GPR35: variants seen among roughly 807,000 people sequenced by gnomAD.
The protein encoded by GPR35 is KYNA receptor.
For synonymous variants in GPR35, 207 were observed against 198.4 expected, an observed-to-expected ratio of 1.04 and a Z score of -0.36; for missense variants, 372 against 422.5, an observed-to-expected ratio of 0.88 and a Z score of 1.05.
At chr2:240,625,235 C>T (rs773693113), upstream of GPR35, 6 of 983,822 alleles carry the variant, frequency 6.1e-6, no homozygotes, top group South Asian at 1.9e-4. Flanking sequence ...CTGTCTCTCA[C>T]GCTGTTTCCA....
At chr2:240,622,582 T>C (rs1420534143), upstream of GPR35, among the ~76,000 whole-genome samples, 1 of 152,240 alleles carries the variant, frequency 6.6e-6, no homozygotes, top group African/African-American at 2.4e-5. Context: ...GTTTACAAAT[T>C]TGTGTTGGGC....
At chr2:240,624,735 G>T (rs2043349121), upstream of GPR35, among the ~76,000 whole-genome samples, 1 of 152,240 alleles carries the variant, frequency 6.6e-6, no homozygotes, top group African/African-American at 2.4e-5. Flanking sequence ...GGAAGGGGGT[G>T]CTCTGCACCA....
chr2:240,614,319 T>A (rs1217124339), intron 2 of GPR35, among the ~76,000 whole-genome samples: 1 of 152,070 alleles, frequency 6.6e-6, no homozygotes, highest in Non-Finnish European at 1.5e-5. Context: ...CTAGCCTTAA[T>A]TCTAACCCTA....
intron 2 of GPR35, among the ~76,000 whole-genome samples, chr2:240,609,635 G>A (rs943527230): frequency 6.6e-6 from 1 of 152,182 alleles, no homozygotes; most frequent in Non-Finnish European, 1.5e-5. Context: ...TGGCCTAGCA[G>A]ATGGACTATT....
upstream of GPR35, among the ~76,000 whole-genome samples, chr2:240,623,346 GGCGCAAACAGGTC>G (rs2043323365): frequency 2.1e-5 from 3 of 142,236 alleles, no homozygotes; most frequent in African/African-American, 7.6e-5. Flanking sequence ...AGGTCGTGAG[GGCGCAAACAGGTC>G]GTGAGGGCGC....
In GPR35 at chr2:240,630,136, C is replaced by T. The variant is rs1276625257; in HGVS notation, c.184C>T (p.Leu62=). ...GGAGACCCGCATCTACATGACCAAC[C>T]TGGCGGTGGCCGACCTCTGCCTGCT... is the stretch of plus-strand genomic sequence containing the variant. ...WTETRIYMTN[L]AVADLCLLCT... The change falls in exon 2 of 2, where the codon CTG becomes TTG. Residue 62 remains leucine (L), a synonymous_variant. Coordinates refer to ENST00000407714, the MANE Select transcript of GPR35 (RefSeq NM_005301.5). The T allele has an allele frequency of 6.2e-7, 1 of 1,602,670 alleles. No homozygotes were observed. The highest frequency in any genetic ancestry group is 8.5e-7 in the Non-Finnish European group (1 of 1,178,122).
chr2:240,606,461 C>T (rs954863385), exon 2 of GPR35: 2 of 152,336 alleles, frequency 1.3e-5, no homozygotes, highest in Non-Finnish European at 2.9e-5. Context: ...TTTCCACCAT[C>T]TTGCTGCCCA....
At chr2:240,629,659 A>C in intron 1 of GPR35, 1 of 343,568 alleles carries the variant, frequency 2.9e-6, no homozygotes. Flanking sequence ...TGGGGACTGG[A>C]GGGGAACGTG....
At chr2:240,625,904 G>T (rs1045095755) in intron 1 of GPR35, among the ~76,000 whole-genome samples, 10 of 139,710 alleles carry the variant, frequency 7.2e-5, no homozygotes, top group Non-Finnish European at 1.3e-4. Flanking sequence ...TCAGAGTGGG[G>T]TGAGGCTCTG....
intron 2 of GPR35, among the ~76,000 whole-genome samples, chr2:240,613,660 T>G (rs940537731): frequency 6.8e-6 from 1 of 147,210 alleles, no homozygotes; most frequent in East Asian, 2.0e-4. Context: ...CTAACTCAAT[T>G]CAAACCTTAA....
exon 3 of GPR35, chr2:240,616,476 G>C: frequency 1.3e-6 from 1 of 780,670 alleles, no homozygotes. Flanking sequence ...ATCTCCTGTC[G>C]ACTGCGAGTC....
Position 240,618,795 on chromosome 2 carries a change from A to G in GPR35, c.-148-93A>G. The stretch of plus-strand genomic sequence containing the variant: ...ATCTAAAAACACATCAATTGTCTAT[A>G]TGTACATAAACATGCTTTTTTTCAT... On this transcript the variant is annotated intron_variant, in intron 4 of 5. Transcript: ENST00000319838. 1.3e-5 allele frequency: 7 copies of G among 533,866 alleles called. 1 individual carries two copies. In the South Asian group the frequency reaches 1.6e-4, roughly 12 times the overall value. 33.1% of individuals were successfully genotyped at this position (533,866 alleles called of 1,614,324 possible).
intron 5 of GPR35, among the ~76,000 whole-genome samples, chr2:240,620,140 C>A (rs1339191165): frequency 6.6e-6 from 1 of 152,264 alleles, no homozygotes; most frequent in African/African-American, 2.4e-5. Context: ...AGGCCCACCC[C>A]GAGGCCAGGT....
intron 1 of GPR35, among the ~76,000 whole-genome samples, chr2:240,606,097 C>T (rs1193935539): frequency 1.3e-5 from 2 of 152,180 alleles, no homozygotes; most frequent in Admixed American, 1.3e-4. Flanking sequence ...TCTCTAGTCC[C>T]CAGCAGGTAT....
chr2:240,615,303 C>T (rs373515863), intron 2 of GPR35, among the ~76,000 whole-genome samples: 39 of 152,268 alleles, frequency 2.6e-4, no homozygotes, highest in African/African-American at 8.7e-4. Flanking sequence ...CATGTAGACC[C>T]GTGAGTCCCT....
Position 240,632,504 on chromosome 2 carries a change from GTCCATGTCAAGGAGGT to G in GPR35, c.*1629_*1644del, listed in dbSNP as rs1434791507. Among the ~76,000 whole-genome samples, 1 of 148,094 alleles carries G rather than the reference GTCCATGTCAAGGAGGT, an allele frequency of 6.8e-6. No individual in the cohort carries two copies. The highest frequency in any genetic ancestry group is 6.7e-5 in the Admixed American group (1 of 14,976). ...GCCCAGGAAGGTCCAGCCCAGGAGGGTCCATGTCAAGGAGGTTCCATGCCCAGGAGGGTCCATGCTG... is the reference window on the plus strand; with the variant it reads ...GCCCAGGAAGGTCCAGCCCAGGAGGGTCCATGCCCAGGAGGGTCCATGCTG... On this transcript the variant is annotated 3_prime_UTR_variant, in exon 2 of 2. Coordinates refer to ENST00000407714, the MANE Select transcript of GPR35 (RefSeq NM_005301.5).
chr2:240,610,194 G>A (rs1489349933), intron 2 of GPR35, among the ~76,000 whole-genome samples: 1 of 152,130 alleles, frequency 6.6e-6, no homozygotes, highest in African/African-American at 2.4e-5. Flanking sequence ...TCCTGACCTT[G>A]TGGTCTGCCC....
exon 4 of GPR35, chr2:240,617,360 A>G: frequency 1.5e-6 from 1 of 662,792 alleles, no homozygotes; most frequent in Non-Finnish European, 2.8e-6. Flanking sequence ...ACTGGGAGAT[A>G]AAACTCTGTG....
chr2:240,616,569 AG>A, intron 3 of GPR35: 1 of 754,574 alleles, frequency 1.3e-6, no homozygotes, highest in Admixed American at 1.7e-5. Context: ...CATTTCTGCC[AG>A]GGGGCTCATG....
Sources: gnomAD v4.1 joint callset for allele counts (sites outside exome capture counted in the v4.1 genomes callset) on GRCh38, gnomAD v4.1.1 for gene constraint, MANE v1.5 for transcripts, NCBI Gene and HGNC (gene_info 2026-07-23, HGNC 2026-07-21) for gene names.